ADARB2: variants seen among roughly 807,000 people sequenced by gnomAD.
ADARB2 encodes inactive double-stranded RNA-specific editase B2.
ADARB2 carries 25 observed loss-of-function variants against 62.2 expected under a neutral mutation model. That is an observed-to-expected ratio of 0.40 (90% confidence interval 0.29 to 0.56). ADARB2 has a LOEUF of 0.56. ADARB2 is among the 20% of genes least tolerant of loss of function. ADARB2 has a pLI of 0.43. For missense variants in ADARB2, 1,071 were observed against 1,077.4 expected, an observed-to-expected ratio of 0.99 and a Z score of 0.08; for synonymous variants, 572 against 500.8, an observed-to-expected ratio of 1.14 and a Z score of -1.90.
intron 1 of ADARB2, among the ~76,000 whole-genome samples, chr10:1,708,120 C>T: frequency 6.6e-6 from 1 of 152,210 alleles, no homozygotes; most frequent in Non-Finnish European, 1.5e-5. Context: ...TGGGGCTCTG[C>T]TCCGTGCGGG....
chr10:1,304,636 C>T (rs1365515006), intron 3 of ADARB2, among the ~76,000 whole-genome samples: 8 of 150,744 alleles, frequency 5.3e-5, no homozygotes, highest in Non-Finnish European at 1.2e-4. Context: ...GTAAAGCTCT[C>T]CTCAGCAAAT....
At chr10:1,527,333 C>T (rs543302347) in intron 1 of ADARB2, among the ~76,000 whole-genome samples, 6 of 152,280 alleles carry the variant, frequency 3.9e-5, no homozygotes, top group Admixed American at 2.0e-4. Context: ...CCACATAGAT[C>T]GGTGGTTATG....
At chr10:1,456,008 T>TATA (rs1831091109) in intron 1 of ADARB2, among the ~76,000 whole-genome samples, 1 of 152,240 alleles carries the variant, frequency 6.6e-6, no homozygotes, top group Non-Finnish European at 1.5e-5. Flanking sequence ...AAGTTTCACT[T>TATA]ATAATAGCAC....
chr10:1,467,034 T>A (rs1415806231), intron 1 of ADARB2, among the ~76,000 whole-genome samples: 1 of 151,466 alleles, frequency 6.6e-6, no homozygotes, highest in African/African-American at 2.4e-5. Flanking sequence ...GTTTCCGGTC[T>A]ATTTACAGCA....
At chr10:1,593,347 T>C (rs61296696) in intron 1 of ADARB2, among the ~76,000 whole-genome samples, 14,939 of 88,642 alleles carry the variant, frequency 0.17, 2,104 homozygotes, top group Middle Eastern at 0.29. Context: ...AACCACACTC[T>C]GTAGGTCTCC....
At chr10:1,364,291 C>T (rs2131851410) in intron 2 of ADARB2, among the ~76,000 whole-genome samples, 1 of 152,324 alleles carries the variant, frequency 6.6e-6, no homozygotes, top group Non-Finnish European at 1.5e-5. Flanking sequence ...CCCTTCCCAC[C>T]TGCTACAGGG....
chr10:1,429,492 G>A lies in ADARB2; in HGVS notation c.101-50332C>T, dbSNP rs994452929. ...GTAAAGAGAATATGGTAAAATATTAGCCTATAGATTTGGGCCCAACCCACA... is the reference window on the plus strand; with the variant it reads ...GTAAAGAGAATATGGTAAAATATTAACCTATAGATTTGGGCCCAACCCACA... On this transcript the variant is annotated intron_variant, in intron 1 of 9. Coordinates refer to ENST00000381312, the MANE Select transcript of ADARB2 (RefSeq NM_018702.4). 3.3e-5 allele frequency among the ~76,000 whole-genome samples: 5 copies of A among 152,284 alleles called. No homozygotes were observed. The East Asian group carries it at 9.7e-4, about 29-fold the overall frequency.
chr10:1,209,567 A>G (rs1837120389), intron 7 of ADARB2, among the ~76,000 whole-genome samples: 2 of 118,044 alleles, frequency 1.7e-5, no homozygotes, highest in South Asian at 3.5e-4. Flanking sequence ...CCACACCCAC[A>G]TCATCACCCA....
chr10:1,569,943 TCA>T (rs1278900906), intron 1 of ADARB2, among the ~76,000 whole-genome samples: 3 of 152,190 alleles, frequency 2.0e-5, no homozygotes, highest in Non-Finnish European at 2.9e-5. Flanking sequence ...CAAAAATAAT[TCA>T]CATTGTTGGT....
chr10:1,287,029 A>C (rs1831420699), intron 3 of ADARB2, among the ~76,000 whole-genome samples: 1 of 152,222 alleles, frequency 6.6e-6, no homozygotes, highest in Non-Finnish European at 1.5e-5. Flanking sequence ...GTACATTTTG[A>C]TACAATTAAG....
intron 1 of ADARB2, among the ~76,000 whole-genome samples, chr10:1,386,271 T>G (rs973115005): frequency 1.3e-5 from 2 of 151,936 alleles, no homozygotes; most frequent in Admixed American, 6.5e-5. Flanking sequence ...AAAAATTGAA[T>G]AAACAGAAAA....
intron 1 of ADARB2, among the ~76,000 whole-genome samples, chr10:1,458,603 ACC>A (rs1831127168): frequency 6.6e-6 from 1 of 152,014 alleles, no homozygotes; most frequent in Non-Finnish European, 1.5e-5. Flanking sequence ...TTGGGGGTCC[ACC>A]GCTATGGCTT....
intron 1 of ADARB2, among the ~76,000 whole-genome samples, chr10:1,660,313 A>G (rs963708376): frequency 1.3e-5 from 2 of 152,260 alleles, no homozygotes; most frequent in African/African-American, 2.4e-5. Context: ...TTCAACAAAC[A>G]TTTATTGAGC....
At chr10:1,411,403 C>G (rs1171830029) in intron 1 of ADARB2, among the ~76,000 whole-genome samples, 1 of 152,236 alleles carries the variant, frequency 6.6e-6, no homozygotes, top group Non-Finnish European at 1.5e-5. Context: ...CACGTCCTCT[C>G]CAGGCCACCA....
intron 2 of ADARB2, among the ~76,000 whole-genome samples, chr10:1,373,805 A>T: frequency 1.2e-5 from 1 of 85,626 alleles, no homozygotes; most frequent in Non-Finnish European, 2.9e-5. Context: ...CACCTTTCCT[A>T]GTGAGACCGC....
chr10:1,571,943 ACAGGTGAGTAGG>A lies in ADARB2; in HGVS notation c.100+165096_100+165107del, dbSNP rs1418591134. On this transcript the variant is annotated intron_variant, in intron 1 of 9. Coordinates refer to ENST00000381312, the MANE Select transcript of ADARB2 (RefSeq NM_018702.4). ...AGGCAGGTGATATGCTGGTGAGCGG[ACAGGTGAGTAGG>A]CAGGTGAGTGTGCAGGTGAGTGTGC... 2.7e-3 allele frequency among the ~76,000 whole-genome samples: 283 copies of A among 104,984 alleles called. 2 individuals carry two copies. Among genetic ancestry groups the A allele is most frequent in the Non-Finnish European group, 4.5e-3 (238 of 52,536 alleles). The allele number at this position is 104,984 out of a possible 152,430, so 68.9% of individuals were successfully genotyped here. A position where few individuals can be genotyped will look rare whatever the true frequency, so the allele number is the denominator to read the frequency against.
chr10:1,495,435 T>C (rs1289775381), intron 1 of ADARB2, among the ~76,000 whole-genome samples: 2 of 152,116 alleles, frequency 1.3e-5, no homozygotes, highest in Non-Finnish European at 2.9e-5. Flanking sequence ...ATCATAGAGG[T>C]TATTTTGCCA....
intron 3 of ADARB2, among the ~76,000 whole-genome samples, chr10:1,362,783 T>C (rs1311631602): frequency 6.6e-6 from 1 of 152,110 alleles, no homozygotes; most frequent in East Asian, 1.9e-4. Flanking sequence ...AGAGGCGCCC[T>C]GGCCGCTCCC....
intron 3 of ADARB2, among the ~76,000 whole-genome samples, chr10:1,302,403 A>G (rs1174875275): frequency 6.6e-6 from 1 of 152,226 alleles, no homozygotes; most frequent in Non-Finnish European, 1.5e-5. Flanking sequence ...GCTGATTGCT[A>G]GCACAGCAGT....
Sources: gnomAD v4.1 joint callset for allele counts (sites outside exome capture counted in the v4.1 genomes callset) on GRCh38, gnomAD v4.1.1 for gene constraint, MANE v1.5 for transcripts, NCBI Gene and HGNC (gene_info 2026-07-23, HGNC 2026-07-21) for gene names.